The following NBPF9 variants were observed in gnomAD, a reference collection of about 807,000 sequenced individuals.
NBPF9 encodes NBPF family member NBPF9.
In NBPF9, 91 loss-of-function variants were observed where a neutral mutation model predicts 97.8. The ratio of observed to expected loss-of-function variants is 0.93; its 90% CI spans 0.79 to 1.11. NBPF9 has a LOEUF of 1.11. Ranked by LOEUF, NBPF9 falls within the 50% of genes least tolerant of loss-of-function variation. The pLI is 0.00. For missense variants in NBPF9, 992 were observed against 939.5 expected, an observed-to-expected ratio of 1.06 and a Z score of -0.73; for synonymous variants, 334 against 359.5, an observed-to-expected ratio of 0.93 and a Z score of 0.80.
intron 2 of NBPF9, 81 bp from the exon 3 acceptor site, chr1:149,101,460 C>A: frequency 6.6e-6 from 1 of 151,422 alleles, no homozygotes; most frequent in East Asian, 1.9e-4. Flanking sequence ...AGGCAAGCTA[C>A]AGATTGAAAA....
chr1:149,085,912 G>T (rs1177518216), intron 5 of NBPF9, among the ~76,000 whole-genome samples: 3 of 151,536 alleles, frequency 2.0e-5, no homozygotes, highest in Non-Finnish European at 4.4e-5. Flanking sequence ...CCCCTTTGCA[G>T]TTCATCAGCC....
chr1:149,096,992 GA>G (rs1223085810), intron 4 of NBPF9, among the ~76,000 whole-genome samples: 31 of 144,556 alleles, frequency 2.1e-4, no homozygotes, highest in African/African-American at 7.7e-4. Context: ...AAAAAGGAAA[GA>G]AAAAGAGAGA....
chr1:149,063,063 G>T, intron 20 of NBPF9, 150 bp from the exon 21 acceptor site: 1 of 563,138 alleles, frequency 1.8e-6, no homozygotes, highest in East Asian at 3.0e-5. Context: ...CCTGAAGGCT[G>T]ATCACCATAG....
At chr1:149,094,044 A>G (rs1372294530) in intron 4 of NBPF9, among the ~76,000 whole-genome samples, 8 of 151,350 alleles carry the variant, frequency 5.3e-5, no homozygotes, top group Non-Finnish European at 1.0e-4. Context: ...CTGAGGCAGG[A>G]GAATCACTTG....
chr1:149,059,384 C>T, intron 25 of NBPF9: 2 of 428,946 alleles, frequency 4.7e-6, no homozygotes, highest in South Asian at 5.3e-5. Context: ...GAGTTCGTGC[C>T]CTCATGACAC....
rs77723156 is a variant in NBPF9, at chr1:149,059,683, G to C, written c.2585+17C>G. 69,399 of 554,528 alleles carry C rather than the reference G, an allele frequency of 0.13. 23,531 individuals are homozygous for C. Among genetic ancestry groups the C allele is most frequent in the East Asian group, 0.55 (20,608 of 37,322 alleles). The allele number at this position is 554,528 out of a possible 1,614,324, so 34.4% of individuals were successfully genotyped here. A position where few individuals can be genotyped will look rare whatever the true frequency, so the allele number is the denominator to read the frequency against. ...GTGTTAACACAGAACTAAGGATCCA[G>C]AATTGCTGAAAGTCACCTGGGGCAT... is the stretch of plus-strand genomic sequence containing the variant. On this transcript the variant is annotated intron_variant, in intron 25 of 29. Transcript: ENST00000584027.
Position 149,059,203 on chromosome 1 carries a change from G to C in NBPF9, c.2586-106C>G, listed in dbSNP as rs1473778840. On this transcript the variant is annotated intron_variant, in intron 25 of 29. Transcript: ENST00000584027. ...TAAGGAACTGTTTAAAAAGAAAAAG[G>C]ACAGATCCATTAATGAGGTAATGAA... 9.4e-5 allele frequency: 41 copies of C among 436,000 alleles called. 9 individuals carry two copies. Among genetic ancestry groups the C allele is most frequent in the Non-Finnish European group, 1.5e-4 (35 of 238,238 alleles). The allele number at this position is 436,000 out of a possible 1,614,324, so 27.0% of individuals were successfully genotyped here.
At chr1:149,082,731 T>C (rs1397077586) in intron 5 of NBPF9, among the ~76,000 whole-genome samples, 84 of 146,182 alleles carry the variant, frequency 5.7e-4, no homozygotes, top group Middle Eastern at 7.0e-3. Context: ...ATGGTAGTCA[T>C]GAAGTCATAA....
At chr1:149,097,204 A>G (rs2081838330) in intron 4 of NBPF9, among the ~76,000 whole-genome samples, 1 of 151,954 alleles carries the variant, frequency 6.6e-6, no homozygotes, top group South Asian at 2.1e-4. Flanking sequence ...GAAGGAAGGA[A>G]GGAAATGAAC....
intron 18 of NBPF9, chr1:149,064,707 C>T: frequency 4.9e-6 from 3 of 616,988 alleles, no homozygotes; most frequent in Non-Finnish European, 8.6e-6. Flanking sequence ...ATGTTATCTT[C>T]CCTATGTGCT....
chr1:149,089,555 A>G (rs1553659581), intron 5 of NBPF9, among the ~76,000 whole-genome samples: 1 of 152,292 alleles, frequency 6.6e-6, no homozygotes, highest in African/African-American at 2.4e-5. Flanking sequence ...ATAAGACAGG[A>G]TGGAAATGAG....
At chr1:149,062,771 A>T (rs1255330453) in intron 21 of NBPF9, 91 bp downstream of exon 21, 6 of 773,564 alleles carry the variant, frequency 7.8e-6, no homozygotes, top group Non-Finnish European at 1.2e-5. Context: ...CTCCGTTGAA[A>T]ACATGAAATT....
intron 12 of NBPF9, among the ~76,000 whole-genome samples, chr1:149,075,144 C>T (rs1451280838): frequency 4.0e-5 from 6 of 151,598 alleles, no homozygotes; most frequent in South Asian, 2.1e-4. Flanking sequence ...CATTTATAGA[C>T]AGCACAGGTT....
At chr1:149,088,421 G>A (rs1215823305) in intron 5 of NBPF9, among the ~76,000 whole-genome samples, 1 of 152,200 alleles carries the variant, frequency 6.6e-6, no homozygotes, top group African/African-American at 2.4e-5. Context: ...TTGATTTAGA[G>A]CTCTAGTATA....
At chr1:149,073,431 A>T (rs1252205090) in intron 13 of NBPF9, among the ~76,000 whole-genome samples, 1 of 142,576 alleles carries the variant, frequency 7.0e-6, no homozygotes, top group Non-Finnish European at 1.5e-5. Flanking sequence ...GGTGATTGTC[A>T]CTAAGGGTAA....
At chr1:149,073,379 CATTG>C (rs1296797459) in intron 13 of NBPF9, among the ~76,000 whole-genome samples, 10 of 140,610 alleles carry the variant, frequency 7.1e-5, no homozygotes, top group Non-Finnish European at 1.5e-4. Context: ...GAGAAGGCAA[CATTG>C]ATTGAGTGAA....
At chr1:149,100,130 G>T in intron 3 of NBPF9, among the ~76,000 whole-genome samples, 1 of 138,624 alleles carries the variant, frequency 7.2e-6, no homozygotes, top group Non-Finnish European at 1.5e-5. Context: ...GTATACCTAA[G>T]AACAATGAAG....
At chr1:149,062,465 G>T (rs1435042407) in intron 21 of NBPF9, among the ~76,000 whole-genome samples, 200 bp from the exon 22 acceptor site, 1 of 143,014 alleles carries the variant, frequency 7.0e-6, no homozygotes, top group Non-Finnish European at 1.5e-5. Flanking sequence ...CAGGGAGAGG[G>T]AGAGAGAGAG....
rs1332538238 is a variant in NBPF9, at chr1:149,102,851, G to A, written c.-842-4C>T. Reference sequence around the variant, plus strand: ...ACCCGGCTTGCCCATCACCAGCCTGGAGAAACCGCCAGGAGCAGAATCCCG... The same window carrying A: ...ACCCGGCTTGCCCATCACCAGCCTGAAGAAACCGCCAGGAGCAGAATCCCG... On this transcript the variant is annotated splice_region_variant and splice_polypyrimidine_tract_variant and intron_variant, in intron 1 of 29. Transcript: ENST00000584027. 4 of 151,852 alleles carry A rather than the reference G, an allele frequency of 2.6e-5. No individual in the cohort carries two copies. Among genetic ancestry groups the A allele is most frequent in the Non-Finnish European group, 5.9e-5 (4 of 67,966 alleles). 9.4% of individuals were successfully genotyped at this position (151,852 alleles called of 1,614,324 possible).
Sources: gnomAD v4.1 joint callset for allele counts (sites outside exome capture counted in the v4.1 genomes callset) on GRCh38, gnomAD v4.1.1 for gene constraint, MANE v1.5 for transcripts, NCBI Gene and HGNC (gene_info 2026-07-23, HGNC 2026-07-21) for gene names.